NEK11: variants seen among roughly 807,000 people sequenced by gnomAD.
NEK11 encodes NIMA related kinase 11, also known as serine/threonine-protein kinase Nek11.
NEK11 carries 72 observed loss-of-function variants against 80.7 expected under a neutral mutation model. That is an observed-to-expected ratio of 0.89 (90% CI 0.74 to 1.08). NEK11 has a LOEUF of 1.08. Ranked by LOEUF, NEK11 falls within the 50% of genes least tolerant of loss-of-function variation. NEK11 has a pLI of 0.00. For synonymous variants in NEK11, 251 were observed against 260.7 expected (o/e 0.96, Z 0.36); for missense variants, 764 against 763.6 (o/e 1.00, Z -0.01).
At chr3:131,034,105 A>C (rs1017398100) in intron 3 of NEK11, among the ~76,000 whole-genome samples, 1 of 152,190 alleles carries the variant, frequency 6.6e-6, no homozygotes, top group South Asian at 2.1e-4. Context: ...AATCAAACCC[A>C]AAAGATTTGA....
intron 3 of NEK11, among the ~76,000 whole-genome samples, chr3:131,066,047 G>A (rs975752186): frequency 6.6e-6 from 1 of 152,100 alleles, no homozygotes; most frequent in Non-Finnish European, 1.5e-5. Context: ...TGTATGAAAA[G>A]GATATCACAG....
At chr3:131,197,235 G>A (rs2094052371) in intron 14 of NEK11, among the ~76,000 whole-genome samples, 1 of 152,136 alleles carries the variant, frequency 6.6e-6, no homozygotes, top group South Asian at 2.1e-4. Flanking sequence ...TGCTGTTGGG[G>A]AGGATGGCCG....
chr3:131,028,820 C>G (rs2064337005), intron 2 of NEK11, among the ~76,000 whole-genome samples: 2 of 152,142 alleles, frequency 1.3e-5, no homozygotes, highest in South Asian at 4.2e-4. Flanking sequence ...TCCCAAAGTG[C>G]TGGTACTACA....
chr3:131,338,265 GGTTTTTTTTTTTT>G (rs2097223091), intron 17 of NEK11, among the ~76,000 whole-genome samples: 1 of 91,608 alleles, frequency 1.1e-5, no homozygotes, highest in Non-Finnish European at 1.9e-5. Flanking sequence ...GCGCCCAGCT[GGTTTTTTTTTTTT>G]TTTTTTTTTT....
At chr3:131,083,548 C>G (rs568821551) in intron 4 of NEK11, among the ~76,000 whole-genome samples, 3 of 152,174 alleles carry the variant, frequency 2.0e-5, no homozygotes, top group African/African-American at 7.2e-5. Flanking sequence ...CTGGTGTTAT[C>G]CTTTTTATTA....
Position 131,109,819 on chromosome 3 carries a change from A to G in NEK11, c.353A>G (p.Asp118Gly), listed in dbSNP as rs1225169026. ...TCATTTCAGGGCCGAGATCTGGACG[A>G]TAAAATTCAGGAATATAAACAAGCT... ...TEYCEGRDLDDKIQEYKQAGK... is the reference protein window; with the variant it reads ...TEYCEGRDLDGKIQEYKQAGK... The change falls in exon 5 of 18, where the codon GAT becomes GGT. Residue 118 changes from aspartate (D) to glycine (G), a missense_variant. Physicochemically the swap from Asp to Gly is moderately conservative, Grantham distance 94. Coordinates refer to ENST00000383366, the MANE Select transcript of NEK11 (RefSeq NM_024800.5). 1 of 1,601,310 alleles carries G rather than the reference A, an allele frequency of 6.2e-7. No individual in the cohort carries two copies. Among genetic ancestry groups the G allele is most frequent in the Non-Finnish European group, 8.5e-7 (1 of 1,176,232 alleles).
intron 17 of NEK11, among the ~76,000 whole-genome samples, chr3:131,277,216 C>T (rs969971004): frequency 1.2e-4 from 18 of 152,178 alleles, no homozygotes; most frequent in African/African-American, 4.3e-4. Flanking sequence ...ACAGTTATCA[C>T]CCATGACCAA....
At chr3:131,048,082 A>T (rs1366266386) in intron 3 of NEK11, among the ~76,000 whole-genome samples, 2 of 152,144 alleles carry the variant, frequency 1.3e-5, no homozygotes, top group African/African-American at 2.4e-5. Context: ...TACAGGCCTC[A>T]TGCAGCTCCC....
chr3:131,251,792 G>C (rs548173405), intron 16 of NEK11, among the ~76,000 whole-genome samples: 3 of 151,996 alleles, frequency 2.0e-5, no homozygotes, highest in Admixed American at 2.0e-4. Flanking sequence ...GACCTCTTAT[G>C]TTACCAGAAC....
intron 17 of NEK11, among the ~76,000 whole-genome samples, chr3:131,279,613 C>T (rs1267478516): frequency 2.6e-5 from 4 of 152,168 alleles, no homozygotes; most frequent in African/African-American, 7.2e-5. Flanking sequence ...GCTCCTCCCA[C>T]CATACCCTGT....
At chr3:131,227,519 T>G (rs1444811737) in intron 14 of NEK11, among the ~76,000 whole-genome samples, 2 of 152,272 alleles carry the variant, frequency 1.3e-5, no homozygotes, top group East Asian at 3.9e-4. Context: ...GTGGAAGAGC[T>G]AGATTCTAGC....
Position 131,117,582 on chromosome 3 carries a change from C to T in NEK11, c.455+7661C>T, listed in dbSNP as rs548152651. 2.3e-3 allele frequency among the ~76,000 whole-genome samples: 349 copies of T among 152,190 alleles called. 6 individuals are homozygous for T. The highest frequency in any genetic ancestry group is 0.013 in the Admixed American group (201 of 15,294). ...ACCTTGGGCAGTATGGCCATTTTCA[C>T]GATATTGATTCTTCCTACCCATGAG... On this transcript the variant is annotated intron_variant, in intron 5 of 17. Transcript: ENST00000383366.
chr3:131,304,731 C>T (rs2096704480), intron 17 of NEK11, among the ~76,000 whole-genome samples: 1 of 152,104 alleles, frequency 6.6e-6, no homozygotes, highest in Non-Finnish European at 1.5e-5. Flanking sequence ...AGGTTAGGAA[C>T]CTGCTGCACT....
At chr3:131,226,013 C>T (rs923823240) in intron 14 of NEK11, among the ~76,000 whole-genome samples, 1 of 151,748 alleles carries the variant, frequency 6.6e-6, no homozygotes. Context: ...AATGGGAGAG[C>T]AAGAGGGAAA....
chr3:131,260,586 A>G (rs574400923), intron 16 of NEK11, among the ~76,000 whole-genome samples: 1 of 152,306 alleles, frequency 6.6e-6, no homozygotes, highest in East Asian at 1.9e-4. Context: ...CTTGAGTTGC[A>G]ACAGAAATTC....
At chr3:131,050,845 A>AT (rs1476645207) in intron 3 of NEK11, among the ~76,000 whole-genome samples, 2 of 149,698 alleles carry the variant, frequency 1.3e-5, no homozygotes, top group African/African-American at 2.5e-5. Context: ...ACTGGGCAAC[A>AT]TTGGGAGACT....
intron 3 of NEK11, among the ~76,000 whole-genome samples, chr3:131,046,731 C>T (rs1426615640): frequency 6.6e-6 from 1 of 152,208 alleles, no homozygotes; most frequent in African/African-American, 2.4e-5. Context: ...AAGATAGTTT[C>T]ATTCATCTTG....
chr3:131,101,818 G>A lies in NEK11; in HGVS notation c.337-7985G>A, dbSNP rs146742488. On this transcript the variant is annotated intron_variant, in intron 4 of 17. Transcript: ENST00000383366. ...TGGTATGTCTAATGCTGTCAGTGGGGTACTGAAGCCTCACTGTATTACTAT... is the reference window on the plus strand; with the variant it reads ...TGGTATGTCTAATGCTGTCAGTGGGATACTGAAGCCTCACTGTATTACTAT... Among the ~76,000 whole-genome samples the A allele has an allele frequency of 2.3e-3, 357 of 152,222 alleles. 1 individual carries two copies. The highest frequency in any genetic ancestry group is 8.1e-3 in the African/African-American group (336 of 41,540).
chr3:131,032,529 G>C (rs1404348131), intron 3 of NEK11, among the ~76,000 whole-genome samples: 1 of 152,128 alleles, frequency 6.6e-6, no homozygotes, highest in Non-Finnish European at 1.5e-5. Flanking sequence ...GGAATTATTT[G>C]CTAAAATCAG....
Sources: allele counts gnomAD v4.1 joint callset (sites outside exome capture counted in the v4.1 genomes callset), GRCh38; gene constraint gnomAD v4.1.1; transcripts MANE v1.5; gene names NCBI Gene and HGNC (gene_info 2026-07-23, HGNC 2026-07-21).